XYLT1: variants seen among roughly 807,000 people sequenced by gnomAD.
XYLT1 encodes the protein xylosyltransferase 1.
A neutral mutation model predicts 91.3 loss-of-function variants in XYLT1; 36 were observed. That is an observed-to-expected ratio of 0.39 (90% confidence interval 0.30 to 0.52). XYLT1 has a LOEUF of 0.52. Among genes scored for constraint, XYLT1 ranks in the 20% least tolerant of loss-of-function variants. The pLI is 0.68. For missense variants in XYLT1, 1,242 were observed against 1,284.5 expected, an observed-to-expected ratio of 0.97 and a Z score of 0.51; for synonymous variants, 588 against 532.0, an observed-to-expected ratio of 1.11 and a Z score of -1.45.
At chr16:17,368,148 A>G (rs1432375842) in intron 1 of XYLT1, among the ~76,000 whole-genome samples, 3 of 152,124 alleles carry the variant, frequency 2.0e-5, no homozygotes, top group Admixed American at 6.5e-5. Flanking sequence ...GGGGGGCGGA[A>G]AAAACGATCC....
In XYLT1 at chr16:17,345,720, G is replaced by A. The variant is rs536358404; in HGVS notation, c.402+12292C>T. On this transcript the variant is annotated intron_variant, in intron 2 of 11. Coordinates refer to ENST00000261381, the MANE Select transcript of XYLT1 (RefSeq NM_022166.4). ...AGTAATACTAAGTGCTTAGGTGCCA[G>A]GCACTGTTCTGTTGCTTAATGCACG... Among the ~76,000 whole-genome samples the A allele has an allele frequency of 7.2e-5, 11 of 152,320 alleles. No individual in the cohort carries two copies. The South Asian group carries it at 1.9e-3, about 26-fold the overall frequency.
At position 17,367,091 on chromosome 16, in the gene XYLT1, T is replaced by C. The variant is rs950279672; in HGVS notation, c.364-9041A>G. Reference sequence around the variant, plus strand: ...GGTAATAATCATCACCATGATCCTCTCACACTCATTGTGGAGCACTGACTG... The same window carrying C: ...GGTAATAATCATCACCATGATCCTCCCACACTCATTGTGGAGCACTGACTG... On this transcript the variant is annotated intron_variant, in intron 1 of 11. Transcript: ENST00000261381. Among the ~76,000 whole-genome samples, 4 of 152,280 alleles carry C rather than the reference T, an allele frequency of 2.6e-5. No homozygotes were observed. The South Asian group carries it at 8.3e-4, about 32-fold the overall frequency.
intron 2 of XYLT1, among the ~76,000 whole-genome samples, chr16:17,287,577 G>A (rs1188847275): frequency 6.6e-6 from 1 of 152,234 alleles, no homozygotes; most frequent in Non-Finnish European, 1.5e-5. Context: ...TAGCCATTCT[G>A]AGGACTCTGT....
intron 7 of XYLT1, among the ~76,000 whole-genome samples, 178 bp downstream of exon 7, chr16:17,140,975 G>A (rs1411873165): frequency 6.6e-6 from 1 of 152,224 alleles, no homozygotes; most frequent in African/African-American, 2.4e-5. Context: ...ACTCCACGCA[G>A]CCTCTGTGCA....
intron 6 of XYLT1, 131 bp from the exon 7 acceptor site, chr16:17,141,500 C>T: frequency 1.2e-6 from 1 of 840,112 alleles, no homozygotes; most frequent in East Asian, 2.7e-5. Context: ...CCAGGTACTG[C>T]TCCAGGGCTC....
intron 11 of XYLT1, among the ~76,000 whole-genome samples, chr16:17,113,563 C>T (rs1186510362): frequency 6.7e-6 from 1 of 149,972 alleles, no homozygotes; most frequent in Non-Finnish European, 1.5e-5. Context: ...TCGCTCTGGC[C>T]TCCTCCTGTC....
At chr16:17,139,915 G>GC (rs1251793341) in intron 7 of XYLT1, among the ~76,000 whole-genome samples, 1 of 152,224 alleles carries the variant, frequency 6.6e-6, no homozygotes, top group Non-Finnish European at 1.5e-5. Flanking sequence ...GCTTGGCACT[G>GC]CCCCAGACAC....
intron 2 of XYLT1, among the ~76,000 whole-genome samples, chr16:17,318,969 G>A (rs530008313): frequency 1.3e-3 from 201 of 152,022 alleles, no homozygotes; most frequent in Admixed American, 1.2e-3. Flanking sequence ...TGTATTTTTA[G>A]TAGAGACAGG....
intron 5 of XYLT1, among the ~76,000 whole-genome samples, chr16:17,185,892 T>C (rs564510939): frequency 6.6e-6 from 1 of 152,164 alleles, no homozygotes; most frequent in African/African-American, 2.4e-5. Flanking sequence ...TCCCAGGTAC[T>C]TGGGAGGCTG....
intron 1 of XYLT1, among the ~76,000 whole-genome samples, chr16:17,424,965 G>T (rs558562757): frequency 6.6e-6 from 1 of 151,768 alleles, no homozygotes; most frequent in East Asian, 1.9e-4. Flanking sequence ...CATTTTAGGT[G>T]CTGAATCAGC....
At position 17,173,729 on chromosome 16, in the gene XYLT1, C is replaced by T. The variant is rs116824151; in HGVS notation, c.1290-14820G>A. 9.7e-3 allele frequency among the ~76,000 whole-genome samples: 1,480 copies of T among 152,360 alleles called. 26 individuals are homozygous for T. Among genetic ancestry groups the T allele is most frequent in the African/African-American group, 0.034 (1,394 of 41,590 alleles). The stretch of plus-strand genomic sequence containing the variant: ...CGAGCCTAACTGAGTGACAGCTTGA[C>T]GTGCTGCTGTTCTGCAGAATCATCA... On this transcript the variant is annotated intron_variant, in intron 5 of 11. Coordinates refer to ENST00000261381, the MANE Select transcript of XYLT1 (RefSeq NM_022166.4).
intron 2 of XYLT1, among the ~76,000 whole-genome samples, chr16:17,287,851 G>A (rs1326782928): frequency 6.6e-6 from 1 of 152,002 alleles, no homozygotes; most frequent in East Asian, 1.9e-4. Context: ...AATACCAGGA[G>A]CTTAACATTT....
rs374003075 is a variant in XYLT1, at chr16:17,140,716, G to A, written c.1587+437C>T. ...AGTTGATGTGGGTGTGTCCTGAAAG[G>A]GTCAGCATATACAGTTGTGCAGGTT... is the stretch of plus-strand genomic sequence containing the variant. On this transcript the variant is annotated intron_variant, in intron 7 of 11. Transcript: ENST00000261381. Among the ~76,000 whole-genome samples, 38 of 148,406 alleles carry A rather than the reference G, an allele frequency of 2.6e-4. No individual in the cohort carries two copies. In the East Asian group the frequency reaches 6.6e-3, roughly 26 times the overall value.
intron 2 of XYLT1, among the ~76,000 whole-genome samples, chr16:17,283,097 G>A (rs544712679): frequency 3.5e-4 from 54 of 152,234 alleles, no homozygotes; most frequent in Middle Eastern, 6.8e-3. Flanking sequence ...CATCCAGCAC[G>A]AGTGGATGGA....
intron 1 of XYLT1, among the ~76,000 whole-genome samples, chr16:17,447,168 A>G (rs2036603422): frequency 6.6e-6 from 1 of 152,178 alleles, no homozygotes; most frequent in African/African-American, 2.4e-5. Context: ...GCCCTGCTCT[A>G]AACCAAGCGG....
intron 3 of XYLT1, among the ~76,000 whole-genome samples, chr16:17,215,471 C>T (rs1214428541): frequency 1.3e-5 from 2 of 152,200 alleles, no homozygotes; most frequent in Admixed American, 1.3e-4. Context: ...AGTGAGAAGT[C>T]GGCCATCTGC....
chr16:17,138,139 GT>G, intron 8 of XYLT1: 5 of 441,428 alleles, frequency 1.1e-5, no homozygotes, highest in South Asian at 5.7e-5. Flanking sequence ...GTCATTTGTT[GT>G]TTTTGGGTTA....
intron 6 of XYLT1, among the ~76,000 whole-genome samples, chr16:17,153,283 C>T (rs1482112098): frequency 6.6e-6 from 1 of 152,198 alleles, no homozygotes; most frequent in African/African-American, 2.4e-5. Flanking sequence ...ACTCACGTAA[C>T]TTACCCAAGG....
intron 2 of XYLT1, among the ~76,000 whole-genome samples, chr16:17,300,043 G>A (rs2034370823): frequency 6.6e-6 from 1 of 152,048 alleles, no homozygotes; most frequent in Non-Finnish European, 1.5e-5. Flanking sequence ...GGATAATCTG[G>A]TGACCAAAGG....
Sources: allele counts gnomAD v4.1 joint callset (sites outside exome capture counted in the v4.1 genomes callset), GRCh38; gene constraint gnomAD v4.1.1; transcripts MANE v1.5; gene names NCBI Gene and HGNC (gene_info 2026-07-23, HGNC 2026-07-21).